GPC5: variants seen among roughly 807,000 people sequenced by gnomAD.
GPC5 encodes glypican-5.
In GPC5, 47 loss-of-function variants were observed where a neutral mutation model predicts 53.9. That is an observed-to-expected ratio of 0.87 (90% CI 0.69 to 1.11). GPC5 has a LOEUF of 1.11. Among genes scored for constraint, GPC5 ranks in the 50% most tolerant of loss-of-function variants. GPC5 has a pLI of 0.00. For synonymous variants in GPC5, 286 were observed against 263.3 expected (o/e 1.09, Z -0.84); for missense variants, 748 against 713.1 (o/e 1.05, Z -0.56).
chr13:92,485,776 G>T (rs534946395), intron 7 of GPC5, among the ~76,000 whole-genome samples: 29 of 152,246 alleles, frequency 1.9e-4, no homozygotes, highest in African/African-American at 6.3e-4. Context: ...AGGAGCTTGA[G>T]ACCAGCCTGG....
At chr13:91,432,165 A>G (rs1302211436) in intron 1 of GPC5, among the ~76,000 whole-genome samples, 5 of 148,258 alleles carry the variant, frequency 3.4e-5, no homozygotes, top group Non-Finnish European at 7.4e-5. Flanking sequence ...TCCCTCATGT[A>G]GCTAGATATG....
chr13:92,182,846 G>A (rs1276580200), intron 7 of GPC5, among the ~76,000 whole-genome samples: 1 of 150,302 alleles, frequency 6.7e-6, no homozygotes, highest in African/African-American at 2.5e-5. Context: ...TCCAGCCTGG[G>A]CAACAGAGCG....
intron 2 of GPC5, among the ~76,000 whole-genome samples, chr13:91,572,870 A>G (rs904304256): frequency 6.6e-6 from 1 of 152,136 alleles, no homozygotes; most frequent in Non-Finnish European, 1.5e-5. Flanking sequence ...TGGTGTGCTT[A>G]TTTCCTGATC....
chr13:92,693,223 C>T (rs182024697), intron 7 of GPC5, among the ~76,000 whole-genome samples: 2 of 152,118 alleles, frequency 1.3e-5, no homozygotes, highest in Admixed American at 1.3e-4. Flanking sequence ...GTGAAATGGA[C>T]TAATATAGGA....
chr13:92,827,686 A>G (rs1877899810), intron 7 of GPC5, among the ~76,000 whole-genome samples: 1 of 152,108 alleles, frequency 6.6e-6, no homozygotes, highest in Non-Finnish European at 1.5e-5. Context: ...TACTTTTCCA[A>G]AGTGCCTTCG....
chr13:91,591,068 A>G (rs1471750589), intron 2 of GPC5, among the ~76,000 whole-genome samples: 2 of 152,276 alleles, frequency 1.3e-5, no homozygotes, highest in Middle Eastern at 3.4e-3. Flanking sequence ...AGCTCCTAAG[A>G]CAGTGACAGG....
At chr13:91,835,734 G>A (rs961169030) in intron 5 of GPC5, among the ~76,000 whole-genome samples, 2 of 151,920 alleles carry the variant, frequency 1.3e-5, no homozygotes, top group African/African-American at 4.8e-5. Context: ...GGGCCTGTCG[G>A]GGGTTGGGGG....
intron 7 of GPC5, among the ~76,000 whole-genome samples, chr13:92,862,636 G>C (rs1268427428): frequency 6.7e-6 from 1 of 150,334 alleles, no homozygotes; most frequent in Non-Finnish European, 1.5e-5. Flanking sequence ...CAGATAGATA[G>C]ATAGATAGAT....
intron 7 of GPC5, among the ~76,000 whole-genome samples, chr13:92,640,963 G>A (rs1469967577): frequency 6.8e-6 from 1 of 146,202 alleles, no homozygotes; most frequent in Non-Finnish European, 1.5e-5. Context: ...AGTGAAAGGA[G>A]TAGTAATGGG....
At chr13:92,754,534 C>A (rs1307497181) in intron 7 of GPC5, among the ~76,000 whole-genome samples, 3 of 151,180 alleles carry the variant, frequency 2.0e-5, no homozygotes, top group East Asian at 2.0e-4. Flanking sequence ...CACAAACTGG[C>A]AAATTGGATA....
At chr13:92,069,335 T>C (rs900091789) in intron 6 of GPC5, among the ~76,000 whole-genome samples, 1 of 152,072 alleles carries the variant, frequency 6.6e-6, no homozygotes, top group African/African-American at 2.4e-5. Flanking sequence ...TAGTTTCCTA[T>C]TGCTGATGTA....
At chr13:91,612,736 G>A (rs1566552520) in intron 2 of GPC5, among the ~76,000 whole-genome samples, 1 of 151,992 alleles carries the variant, frequency 6.6e-6, no homozygotes, top group Non-Finnish European at 1.5e-5. Flanking sequence ...GTATTAAGTT[G>A]ATCATAACTC....
intron 7 of GPC5, among the ~76,000 whole-genome samples, chr13:92,642,555 T>C (rs1885629500): frequency 6.6e-6 from 1 of 152,224 alleles, no homozygotes; most frequent in East Asian, 1.9e-4. Flanking sequence ...GCCATCTCTG[T>C]CTACTAAATC....
intron 7 of GPC5, among the ~76,000 whole-genome samples, chr13:92,577,971 G>A (rs1566301921): frequency 6.6e-6 from 1 of 152,170 alleles, no homozygotes; most frequent in Non-Finnish European, 1.5e-5. Flanking sequence ...TTGCACATAT[G>A]TGCAGTTGGG....
chr13:92,133,061 T>C (rs966830700), intron 6 of GPC5, among the ~76,000 whole-genome samples: 2 of 152,078 alleles, frequency 1.3e-5, no homozygotes, highest in Non-Finnish European at 2.9e-5. Context: ...GGTCACACAT[T>C]TAAATAGTTA....
At chr13:91,951,852 A>G (rs1036038856) in intron 6 of GPC5, among the ~76,000 whole-genome samples, 3 of 152,138 alleles carry the variant, frequency 2.0e-5, no homozygotes, top group African/African-American at 7.2e-5. Context: ...CATCAAATCA[A>G]CATTTCGTTT....
chr13:91,436,246 T>C (rs1005139037), intron 1 of GPC5, among the ~76,000 whole-genome samples: 2 of 152,134 alleles, frequency 1.3e-5, no homozygotes, highest in African/African-American at 4.8e-5. Context: ...ATGTGTTTGC[T>C]CTTGCTTCTC....
chr13:91,944,154 G>A (rs1434830767), intron 6 of GPC5, among the ~76,000 whole-genome samples: 1 of 151,414 alleles, frequency 6.6e-6, no homozygotes, highest in Non-Finnish European at 1.5e-5. Flanking sequence ...GGAGTGCAGT[G>A]GTGCGGACTC....
At chr13:92,775,504 T>A (rs1044405564) in intron 7 of GPC5, among the ~76,000 whole-genome samples, 16 of 152,102 alleles carry the variant, frequency 1.1e-4, no homozygotes, top group African/African-American at 1.2e-4. Context: ...GCCAAAAAAA[T>A]TTATGCTTTT....
Sources: gnomAD v4.1 joint callset for allele counts (sites outside exome capture counted in the v4.1 genomes callset) on GRCh38, gnomAD v4.1.1 for gene constraint, MANE v1.5 for transcripts, NCBI Gene and HGNC (gene_info 2026-07-23, HGNC 2026-07-21) for gene names.